SGCZ: variants seen among roughly 807,000 people sequenced by gnomAD.
SGCZ encodes zeta-sarcoglycan.
Under a neutral mutation model 41.3 loss-of-function variants are expected in SGCZ, and 40 were observed. The observed-to-expected ratio is 0.97, with a 90% CI of 0.75 to 1.26. The LOEUF (loss-of-function observed/expected upper bound fraction) is 1.26. Among genes scored for constraint, SGCZ ranks in the 50% most tolerant of loss-of-function variants. The pLI is 0.00. For synonymous variants in SGCZ, 206 were observed against 137.5 expected, an observed-to-expected ratio of 1.50 and a Z score of -3.49; for missense variants, 552 against 369.8, an observed-to-expected ratio of 1.49 and a Z score of -4.04.
chr8:14,593,061 T>C (rs1805289929), intron 1 of SGCZ, among the ~76,000 whole-genome samples: 1 of 152,172 alleles, frequency 6.6e-6, no homozygotes, highest in Non-Finnish European at 1.5e-5. Flanking sequence ...CCTGCCCTGG[T>C]GTGGTCAGGT....
chr8:14,419,434 T>C (rs551766652), intron 2 of SGCZ, among the ~76,000 whole-genome samples: 57 of 152,024 alleles, frequency 3.7e-4, no homozygotes, highest in African/African-American at 1.3e-3. Flanking sequence ...CTCTATGAGA[T>C]TTTTTGTCTC....
At chr8:14,408,588 A>G (rs1049519852) in intron 2 of SGCZ, among the ~76,000 whole-genome samples, 1 of 152,134 alleles carries the variant, frequency 6.6e-6, no homozygotes, top group Non-Finnish European at 1.5e-5. Flanking sequence ...GACTGTTTCT[A>G]TATAAATCAG....
chr8:14,818,325 C>T (rs145455377), intron 1 of SGCZ, among the ~76,000 whole-genome samples: 89 of 152,314 alleles, frequency 5.8e-4, no homozygotes, highest in Admixed American at 1.1e-3. Flanking sequence ...ACCACCATCA[C>T]AAACTGTACA....
chr8:14,463,257 A>T (rs1800952803), intron 2 of SGCZ, among the ~76,000 whole-genome samples: 1 of 151,608 alleles, frequency 6.6e-6, no homozygotes, highest in African/African-American at 2.4e-5. Flanking sequence ...GCCAAAAAAC[A>T]GCTTGAAAAA....
At chr8:14,242,871 TA>T (rs775566738) in intron 3 of SGCZ, among the ~76,000 whole-genome samples, 5 of 151,822 alleles carry the variant, frequency 3.3e-5, no homozygotes, top group African/African-American at 4.8e-5. Flanking sequence ...CAAACCAATA[TA>T]AAAAAAATAG....
At chr8:14,430,645 T>C (rs1205112906) in intron 2 of SGCZ, among the ~76,000 whole-genome samples, 2 of 152,112 alleles carry the variant, frequency 1.3e-5, no homozygotes, top group East Asian at 1.9e-4. Context: ...GAGACAAGGA[T>C]GCCCACTCTC....
intron 1 of SGCZ, among the ~76,000 whole-genome samples, chr8:15,177,849 G>C (rs149307860): frequency 9.3e-4 from 141 of 152,282 alleles, no homozygotes; most frequent in Admixed American, 2.0e-3. Context: ...CCAGCTTCCA[G>C]TCTAGACACT....
chr8:15,171,874 G>A (rs1453418514), intron 1 of SGCZ, among the ~76,000 whole-genome samples: 2 of 152,240 alleles, frequency 1.3e-5, no homozygotes, highest in African/African-American at 2.4e-5. Context: ...CAAACGAGCT[G>A]TCTTCACCTA....
intron 3 of SGCZ, among the ~76,000 whole-genome samples, chr8:14,288,975 G>C (rs1052788592): frequency 6.6e-6 from 1 of 152,006 alleles, no homozygotes; most frequent in African/African-American, 2.4e-5. Flanking sequence ...GTCATTCCAG[G>C]GGACTGCAAT....
chr8:15,130,168 C>T (rs1195555244), intron 1 of SGCZ, among the ~76,000 whole-genome samples: 3 of 152,152 alleles, frequency 2.0e-5, no homozygotes, highest in Admixed American at 1.3e-4. Context: ...TCACTCACTA[C>T]ACTCTGTTCT....
At chr8:15,030,954 T>C (rs1394293743) in intron 1 of SGCZ, among the ~76,000 whole-genome samples, 14 of 152,090 alleles carry the variant, frequency 9.2e-5, no homozygotes, top group Non-Finnish European at 4.4e-5. Context: ...GCCACACCAA[T>C]TTTTATTTTG....
chr8:15,027,247 T>C (rs377591371), intron 1 of SGCZ, among the ~76,000 whole-genome samples: 2 of 152,164 alleles, frequency 1.3e-5, no homozygotes, highest in Non-Finnish European at 2.9e-5. Flanking sequence ...AGTTCTAGAA[T>C]AAACAAACAT....
chr8:14,431,503 C>A (rs879539065), intron 2 of SGCZ, among the ~76,000 whole-genome samples: 7 of 152,132 alleles, frequency 4.6e-5, no homozygotes, highest in Non-Finnish European at 5.9e-5. Flanking sequence ...GAGAATGAAA[C>A]TGGATCTTCA....
intron 2 of SGCZ, among the ~76,000 whole-genome samples, chr8:14,464,059 G>A (rs1800978292): frequency 6.6e-6 from 1 of 151,514 alleles, no homozygotes; most frequent in Non-Finnish European, 1.5e-5. Context: ...ATGTTCATAA[G>A]GAATACTTGT....
At position 15,042,625 on chromosome 8, in the gene SGCZ, G is replaced by A. The variant is rs188416354; in HGVS notation, c.39+194960C>T. Among the ~76,000 whole-genome samples, 6 of 152,228 alleles carry A rather than the reference G, an allele frequency of 3.9e-5. No homozygotes were observed. The East Asian group carries it at 7.7e-4, about 20-fold the overall frequency. On this transcript the variant is annotated intron_variant, in intron 1 of 7. Coordinates refer to ENST00000382080, the MANE Select transcript of SGCZ (RefSeq NM_139167.4). ...TAATACATGTTGCCACTTTTGGACAGTTTTCTTCCTCATTGAAAGACTATA... is the reference window on the plus strand; with the variant it reads ...TAATACATGTTGCCACTTTTGGACAATTTTCTTCCTCATTGAAAGACTATA...
intron 1 of SGCZ, among the ~76,000 whole-genome samples, chr8:14,684,122 A>T (rs1390173168): frequency 6.6e-6 from 1 of 152,182 alleles, no homozygotes; most frequent in East Asian, 1.9e-4. Flanking sequence ...GATTACATCA[A>T]TTAAATTGTT....
chr8:14,424,009 TG>T (rs1293560460), intron 2 of SGCZ, among the ~76,000 whole-genome samples: 1 of 152,128 alleles, frequency 6.6e-6, no homozygotes, highest in Non-Finnish European at 1.5e-5. Context: ...GAGTTATTGT[TG>T]GGGAAGAGGA....
intron 2 of SGCZ, among the ~76,000 whole-genome samples, chr8:14,415,781 C>G (rs181614966): frequency 4.0e-5 from 6 of 151,836 alleles, no homozygotes; most frequent in Non-Finnish European, 7.4e-5. Context: ...GTGACAGCAA[C>G]GAAAGTGTGC....
chr8:14,269,753 G>C (rs62500225), intron 3 of SGCZ, among the ~76,000 whole-genome samples: 58,361 of 151,710 alleles, frequency 0.38, 11,632 homozygotes, highest in African/African-American at 0.44. Context: ...GAGATATGAA[G>C]AAGATGTCAA....
Sources: allele counts gnomAD v4.1 joint callset (sites outside exome capture counted in the v4.1 genomes callset), GRCh38; gene constraint gnomAD v4.1.1; transcripts MANE v1.5; gene names NCBI Gene and HGNC (gene_info 2026-07-23, HGNC 2026-07-21).